Variants in ZNF333 observed in about 807,000 individuals in gnomAD.
The protein encoded by ZNF333 is zinc finger protein 333.
A neutral mutation model predicts 76.1 loss-of-function variants in ZNF333; 61 were observed. The ratio of observed to expected loss-of-function variants is 0.80; its 90% confidence interval spans 0.65 to 0.99. The LOEUF (loss-of-function observed/expected upper bound fraction) is 0.99, where lower values mean the gene tolerates loss of function less well. Ranked by LOEUF, ZNF333 falls within the 50% of genes least tolerant of loss-of-function variation. The pLI, the probability that ZNF333 is intolerant of heterozygous loss-of-function variation, is 0.00. For missense variants in ZNF333, 717 were observed against 822.4 expected (o/e 0.87, Z 1.57); for synonymous variants, 284 against 305.0 (o/e 0.93, Z 0.72).
chr19:14,713,807 A>T (rs1214681906), intron 7 of ZNF333, among the ~76,000 whole-genome samples: 1 of 152,084 alleles, frequency 6.6e-6, no homozygotes, highest in Non-Finnish European at 1.5e-5. Flanking sequence ...AAAATAAAAA[A>T]AAAATTAACA....
chr19:14,689,986 G>T (rs115826925), upstream of ZNF333: 1 of 152,264 alleles, frequency 6.6e-6, no homozygotes, highest in African/African-American at 2.4e-5. Context: ...GCCGCCTAAG[G>T]CTACCCTGGC....
chr19:14,723,305 G>A (rs541201658), downstream of ZNF333, among the ~76,000 whole-genome samples: 9 of 152,220 alleles, frequency 5.9e-5, no homozygotes, highest in East Asian at 1.9e-4. Context: ...TGCCATTACC[G>A]TATTGTGTTG....
intron 7 of ZNF333, among the ~76,000 whole-genome samples, chr19:14,711,382 G>T (rs2042270436): frequency 6.6e-6 from 1 of 152,148 alleles, no homozygotes; most frequent in Non-Finnish European, 1.5e-5. Context: ...TTTCTGCACA[G>T]TAGGGAAGTG....
intron 5 of ZNF333, 184 bp downstream of exon 5, chr19:14,699,465 CTT>C (rs1231458230): frequency 4.4e-3 from 1,865 of 419,654 alleles, no homozygotes; most frequent in South Asian, 5.6e-3. Context: ...TTGCTCAAGA[CTT>C]TTTTTTTTTT....
chr19:14,697,174 C>T (rs1973266998), intron 4 of ZNF333, among the ~76,000 whole-genome samples: 1 of 152,128 alleles, frequency 6.6e-6, no homozygotes, highest in South Asian at 2.1e-4. Context: ...CCAGATCCAT[C>T]CATGTTGTAG....
chr19:14,716,242 A>G lies in ZNF333; in HGVS notation c.727+4A>G, dbSNP rs1599747389. 1 of 1,595,622 alleles carries G rather than the reference A, an allele frequency of 6.3e-7. No homozygotes were observed. Among genetic ancestry groups the G allele is most frequent in the Non-Finnish European group, 8.5e-7 (1 of 1,174,982 alleles). ...TACAGGAACCTGGCCTCTGTGGGTAAGGCAGCTTCATCTTTTCTTTCCTTT... is the reference window on the plus strand; with the variant it reads ...TACAGGAACCTGGCCTCTGTGGGTAGGGCAGCTTCATCTTTTCTTTCCTTT... On this transcript the variant is annotated splice_donor_region_variant and intron_variant, in intron 9 of 11. Coordinates refer to ENST00000292530, the MANE Select transcript of ZNF333 (RefSeq NM_032433.4).
intron 11 of ZNF333, among the ~76,000 whole-genome samples, chr19:14,727,626 A>G (rs1266511334): frequency 6.6e-6 from 1 of 152,052 alleles, no homozygotes; most frequent in East Asian, 1.9e-4. Flanking sequence ...ACCAGGCCCC[A>G]CCTCCAGCAC....
At chr19:14,693,535 T>C (rs377728104) in intron 2 of ZNF333, 41 bp downstream of exon 2, 48 of 1,594,828 alleles carry the variant, frequency 3.0e-5, no homozygotes, top group African/African-American at 8.0e-5. Flanking sequence ...GGGGTGGATA[T>C]GTAGGATAAC....
chr19:14,708,321 C>G (rs1050642263), intron 7 of ZNF333: 3 of 400,946 alleles, frequency 7.5e-6, no homozygotes, highest in Admixed American at 8.8e-5. Flanking sequence ...TTTGTTACTT[C>G]TTGAAGCGGG....
intron 2 of ZNF333, 140 bp downstream of exon 2, chr19:14,693,634 C>T (rs537464023): frequency 1.0e-4 from 108 of 1,051,356 alleles, no homozygotes; most frequent in Non-Finnish European, 1.4e-4. Context: ...ATCCTCATCC[C>T]TGCCCTAGGG....
At chr19:14,711,577 G>C (rs1229397517) in intron 7 of ZNF333, among the ~76,000 whole-genome samples, 1 of 152,216 alleles carries the variant, frequency 6.6e-6, no homozygotes, top group Non-Finnish European at 1.5e-5. Flanking sequence ...TGAGGAGGGA[G>C]AATCACTTGA....
intron 7 of ZNF333, among the ~76,000 whole-genome samples, chr19:14,711,465 TTGGAGACCAGCC>T (rs1220441957): frequency 6.6e-5 from 10 of 151,632 alleles, no homozygotes; most frequent in Admixed American, 6.6e-4. Context: ...AGGCCAGGAG[TTGGAGACCAGCC>T]TGGGCAACAT....
intron 8 of ZNF333, 91 bp from the exon 9 acceptor site, chr19:14,716,021 T>G: frequency 1.3e-6 from 2 of 1,574,298 alleles, no homozygotes; most frequent in Non-Finnish European, 1.7e-6. Context: ...CTGCCTGGGT[T>G]TTCCCTTCCC....
chr19:14,707,932 T>A, intron 7 of ZNF333: 4 of 401,074 alleles, frequency 1.0e-5, no homozygotes, highest in Non-Finnish European at 1.8e-5. Context: ...AATTCTTAGA[T>A]CTAAGTCTTG....
intron 11 of ZNF333, among the ~76,000 whole-genome samples, chr19:14,727,659 G>T (rs889489535): frequency 6.6e-6 from 1 of 152,196 alleles, no homozygotes; most frequent in South Asian, 2.1e-4. Flanking sequence ...TTCAGTGTGA[G>T]ATTTGGAGGG....
At position 14,720,692 on chromosome 19, in the gene ZNF333, C is replaced by T; in HGVS notation, c.*1367C>T. 1 of 985,266 alleles carries T rather than the reference C, an allele frequency of 1.0e-6. No individual in the cohort carries two copies. The highest frequency in any genetic ancestry group is 1.2e-6 in the Non-Finnish European group (1 of 829,892). The allele number at this position is 985,266 out of a possible 1,614,324, so 61.0% of individuals were successfully genotyped here. A position where few individuals can be genotyped will look rare whatever the true frequency, so the allele number is the denominator to read the frequency against. ...TAGTATATGTCAGTTTTTATAAATG[C>T]TTCATGGATGGTTGAAATCAATGTA... On this transcript the variant is annotated 3_prime_UTR_variant, in exon 12 of 12. Coordinates refer to ENST00000292530, the MANE Select transcript of ZNF333 (RefSeq NM_032433.4).
chr19:14,706,957 A>G (rs1430267237), intron 7 of ZNF333, 184 bp downstream of exon 7: 8 of 534,510 alleles, frequency 1.5e-5, no homozygotes, highest in Admixed American at 3.8e-5. Flanking sequence ...ACTTCCAGTG[A>G]CAGATCTTTA....
intron 4 of ZNF333, among the ~76,000 whole-genome samples, 154 bp downstream of exon 4, chr19:14,695,815 A>G (rs1422546407): frequency 6.6e-6 from 1 of 152,018 alleles, no homozygotes; most frequent in Non-Finnish European, 1.5e-5. Context: ...CTTCTCTTCT[A>G]TTTTCACTTT....
At chr19:14,692,519 A>AT (rs112889835) in intron 1 of ZNF333, among the ~76,000 whole-genome samples, 2 of 52,294 alleles carry the variant, frequency 3.8e-5, no homozygotes, top group African/African-American at 2.4e-4. Flanking sequence ...CTTTTTATTT[A>AT]TTTTTTTTCT....
Sources: gnomAD v4.1 joint callset for allele counts (sites outside exome capture counted in the v4.1 genomes callset) on GRCh38, gnomAD v4.1.1 for gene constraint, MANE v1.5 for transcripts, NCBI Gene and HGNC (gene_info 2026-07-23, HGNC 2026-07-21) for gene names.